Variants in LRRC4C observed in about 807,000 individuals in gnomAD.
LRRC4C encodes the protein leucine-rich repeat-containing protein 4C.
A neutral mutation model predicts 33.6 loss-of-function variants in LRRC4C; 5 were observed. The observed-to-expected ratio is 0.15, with a 90% confidence interval of 0.08 to 0.31. LRRC4C has a LOEUF of 0.31. Among genes scored for constraint, LRRC4C ranks in the 10% least tolerant of loss-of-function variants. LRRC4C has a pLI of 1.00. For synonymous variants in LRRC4C, 329 were observed against 302.0 expected, an observed-to-expected ratio of 1.09 and a Z score of -0.93; for missense variants, 560 against 796.7, an observed-to-expected ratio of 0.70 and a Z score of 3.58.
At chr11:41,057,850 T>G (rs1858744245) in intron 1 of LRRC4C, among the ~76,000 whole-genome samples, 1 of 152,166 alleles carries the variant, frequency 6.6e-6, no homozygotes, top group Non-Finnish European at 1.5e-5. Context: ...GCTGAACATC[T>G]GTCAGGATGA....
chr11:41,424,116 G>T (rs1005729801), intron 1 of LRRC4C: 1 of 152,022 alleles, frequency 6.6e-6, no homozygotes, highest in South Asian at 2.1e-4. Flanking sequence ...TGAAGAAAAC[G>T]TATTCATTTT....
intron 1 of LRRC4C, among the ~76,000 whole-genome samples, chr11:41,258,940 T>C (rs2136709077): frequency 6.6e-6 from 1 of 152,152 alleles, no homozygotes; most frequent in South Asian, 2.1e-4. Context: ...TACTTCCCAC[T>C]TTTTGCTGGG....
chr11:40,348,679 C>T (rs1947247160), intron 3 of LRRC4C, among the ~76,000 whole-genome samples: 1 of 152,140 alleles, frequency 6.6e-6, no homozygotes. Flanking sequence ...CCCATGCAAA[C>T]TAAAAGATGT....
intron 1 of LRRC4C, among the ~76,000 whole-genome samples, chr11:41,180,076 C>A (rs1229913870): frequency 1.3e-5 from 2 of 152,128 alleles, no homozygotes; most frequent in East Asian, 1.9e-4. Context: ...AAGGGAAAAT[C>A]TAATAGTTGA....
At chr11:40,956,995 T>C (rs1471809274) in intron 1 of LRRC4C, among the ~76,000 whole-genome samples, 2 of 151,756 alleles carry the variant, frequency 1.3e-5, no homozygotes, top group African/African-American at 4.8e-5. Context: ...GAAAGCAATG[T>C]TTAGTAAAGA....
At chr11:40,698,432 C>A (rs1555148197) in intron 2 of LRRC4C, among the ~76,000 whole-genome samples, 1 of 152,062 alleles carries the variant, frequency 6.6e-6, no homozygotes, top group Non-Finnish European at 1.5e-5. Flanking sequence ...CTGGTCAAGA[C>A]AGAGTCAATA....
At chr11:40,712,740 G>GA (rs1257804580) in intron 2 of LRRC4C, among the ~76,000 whole-genome samples, 1 of 152,080 alleles carries the variant, frequency 6.6e-6, no homozygotes, top group Non-Finnish European at 1.5e-5. Flanking sequence ...GTTTGCACCA[G>GA]AAACATACCA....
At chr11:40,469,518 A>G (rs1387560351) in intron 3 of LRRC4C, among the ~76,000 whole-genome samples, 1 of 152,100 alleles carries the variant, frequency 6.6e-6, no homozygotes, top group Non-Finnish European at 1.5e-5. Context: ...CATCTGGAAT[A>G]CCAGCGAGAC....
chr11:41,208,110 C>A (rs1036632031), intron 1 of LRRC4C, among the ~76,000 whole-genome samples: 1 of 152,038 alleles, frequency 6.6e-6, no homozygotes, highest in Non-Finnish European at 1.5e-5. Context: ...GAAATATGAA[C>A]ATTAAAGGTG....
intron 1 of LRRC4C, among the ~76,000 whole-genome samples, chr11:41,057,047 C>T (rs1317637878): frequency 1.3e-5 from 2 of 152,216 alleles, no homozygotes; most frequent in African/African-American, 2.4e-5. Flanking sequence ...GAGCCCCACC[C>T]TCCAGGGCAA....
chr11:40,675,223 T>C (rs1944337791), intron 2 of LRRC4C, among the ~76,000 whole-genome samples: 1 of 152,164 alleles, frequency 6.6e-6, no homozygotes, highest in Non-Finnish European at 1.5e-5. Context: ...AAAAGCCAAG[T>C]TGCAATCAGA....
chr11:41,009,471 T>C (rs1322783037), intron 1 of LRRC4C, among the ~76,000 whole-genome samples: 3 of 152,024 alleles, frequency 2.0e-5, no homozygotes, highest in African/African-American at 4.8e-5. Context: ...GAGCAAGAGG[T>C]TGTGAGCTTT....
chr11:40,162,795 C>T (rs1476945326), intron 5 of LRRC4C, among the ~76,000 whole-genome samples: 1 of 152,144 alleles, frequency 6.6e-6, no homozygotes, highest in Admixed American at 6.5e-5. Context: ...TGATAAGTAG[C>T]AAAGCCAAGT....
intron 3 of LRRC4C, among the ~76,000 whole-genome samples, chr11:40,570,220 T>G (rs896421347): frequency 1.3e-5 from 2 of 152,146 alleles, no homozygotes; most frequent in African/African-American, 2.4e-5. Context: ...TTTCTATGCA[T>G]TTTTATAGTC....
chr11:40,379,164 G>C (rs1042804139), intron 3 of LRRC4C, among the ~76,000 whole-genome samples: 1 of 152,004 alleles, frequency 6.6e-6, no homozygotes, highest in African/African-American at 2.4e-5. Context: ...GGAAGTTGGA[G>C]GTCAGTAGGA....
intron 5 of LRRC4C, among the ~76,000 whole-genome samples, chr11:40,166,481 A>C (rs950522793): frequency 6.6e-6 from 1 of 152,282 alleles, no homozygotes; most frequent in Admixed American, 6.5e-5. Context: ...TAAGGAGAAG[A>C]GGCATTGTCA....
At chr11:40,714,039 A>G (rs1946592624) in intron 2 of LRRC4C, among the ~76,000 whole-genome samples, 1 of 152,168 alleles carries the variant, frequency 6.6e-6, no homozygotes, top group Non-Finnish European at 1.5e-5. Flanking sequence ...CCAGATGCCC[A>G]TTGTGATGAC....
chr11:40,958,831 C>A (rs1388473554), intron 1 of LRRC4C, among the ~76,000 whole-genome samples: 2 of 151,710 alleles, frequency 1.3e-5, no homozygotes, highest in East Asian at 3.9e-4. Context: ...GGAAGAGGAG[C>A]TATCAGGATT....
intron 1 of LRRC4C, among the ~76,000 whole-genome samples, chr11:41,047,319 T>C (rs973762299): frequency 2.6e-5 from 4 of 152,106 alleles, no homozygotes; most frequent in African/African-American, 9.7e-5. Flanking sequence ...ATCAGTATAA[T>C]TATTATAATT....
Sources: gnomAD v4.1 joint callset for allele counts (sites outside exome capture counted in the v4.1 genomes callset) on GRCh38, gnomAD v4.1.1 for gene constraint, MANE v1.5 for transcripts, NCBI Gene and HGNC (gene_info 2026-07-23, HGNC 2026-07-21) for gene names.